The following SPECC1 variants were observed in gnomAD, a reference collection of about 807,000 sequenced individuals.
The protein encoded by SPECC1 is sperm antigen with calponin homology and coiled-coil domains 1.
A neutral mutation model predicts 104.1 loss-of-function variants in SPECC1; 62 were observed. The ratio of observed to expected loss-of-function variants is 0.60; its 90% confidence interval spans 0.49 to 0.74. The LOEUF is 0.74. Ranked by LOEUF, SPECC1 falls within the 30% of genes least tolerant of loss-of-function variation. SPECC1 has a pLI of 0.00. For missense variants in SPECC1, 1,306 were observed against 1,310.5 expected (o/e 1.00, Z 0.05); for synonymous variants, 513 against 501.6 (o/e 1.02, Z -0.30).
chr17:20,204,400 A>G lies in SPECC1; in HGVS notation c.351A>G (p.Arg117=), dbSNP rs778600124. ...APREFSVTVS[R]ERSVPRGPSN... is the part of the protein sequence containing the mutation. ...GGGAATTTTCAGTAACTGTCTCAAG[A>G]GAGAGGTCTGTGCCACGTGGTCCCT... Residue 117 remains arginine (R), a synonymous_variant, in exon 4 of 15, where the codon AGA becomes AGG. Coordinates refer to ENST00000395527, the MANE Select transcript of SPECC1 (RefSeq NM_001243439.2). 1 of 1,614,130 alleles carries G rather than the reference A, an allele frequency of 6.2e-7. No individual in the cohort carries two copies. Among genetic ancestry groups the G allele is most frequent in the South Asian group, 1.1e-5 (1 of 91,082 alleles).
chr17:20,296,800 AC>A (rs1567615410), intron 12 of SPECC1, among the ~76,000 whole-genome samples, 160 bp from the exon 13 acceptor site: 1 of 151,860 alleles, frequency 6.6e-6, no homozygotes, highest in African/African-American at 2.4e-5. Flanking sequence ...ATGAGAGTTC[AC>A]TCGTGAATTC....
chr17:20,266,603 T>A (rs1244358500), intron 12 of SPECC1, among the ~76,000 whole-genome samples: 1 of 152,126 alleles, frequency 6.6e-6, no homozygotes, highest in African/African-American at 2.4e-5. Context: ...ATATATATAT[T>A]GTAGGTCCTG....
rs78169251 is a variant in SPECC1, at chr17:20,262,570, T to C, written c.2940+2276T>C. Among the ~76,000 whole-genome samples, 1,009 of 152,324 alleles carry C rather than the reference T, an allele frequency of 6.6e-3. 10 individuals carry two copies. The highest frequency in any genetic ancestry group is 0.023 in the African/African-American group (955 of 41,576). Reference sequence around the variant, plus strand: ...TGGGGAGGCTGAACACCTTTTCATATGCAAATAGATACCCTCTTTAAAATT... The same window carrying C: ...TGGGGAGGCTGAACACCTTTTCATACGCAAATAGATACCCTCTTTAAAATT... On this transcript the variant is annotated intron_variant, in intron 12 of 14. Transcript: ENST00000395527.
rs188725397 is a variant in SPECC1, at chr17:20,205,321, A to G, written c.1272A>G (p.Thr424=). The G allele has an allele frequency of 1.9e-5, 31 of 1,614,264 alleles. No homozygotes were observed. Among genetic ancestry groups the G allele is most frequent in the East Asian group, 1.1e-4 (5 of 44,890 alleles). ...KLVDEKTILE[T]SFHQHRERAE... ...TGGATGAAAAGACGATTTTAGAGAC[A>G]TCCTTTCATCAGCATCGAGAGAGGG... The change falls in exon 4 of 15, where the codon ACA becomes ACG. Residue 424 remains threonine (T), a synonymous_variant. Transcript: ENST00000395527.
chr17:20,096,741 C>G lies in SPECC1; in HGVS notation c.90C>G (p.Ser30=). 6.2e-7 allele frequency: 1 copy of G among 1,614,230 alleles called. No homozygotes were observed. Among genetic ancestry groups the G allele is most frequent in the African/African-American group, 1.3e-5 (1 of 75,056 alleles). Residue 30 remains serine, a synonymous_variant, in exon 2 of 15, where the codon TCC becomes TCG. Transcript: ENST00000395527. The stretch of plus-strand genomic sequence containing the variant: ...TGCGGCCTCTGCCTGCAGCCTCTTC[C>G]GGCATGAAGAGTTCTAAGTCTTCAA... The part of the protein sequence containing the change: ...DRVRPLPAAS[S]GMKSSKSSTS...
chr17:20,302,547 G>A (rs1362951128), intron 13 of SPECC1, among the ~76,000 whole-genome samples: 1 of 151,716 alleles, frequency 6.6e-6, no homozygotes, highest in African/African-American at 2.4e-5. Flanking sequence ...ATGAATAAAA[G>A]TTACTGTTGT....
Position 20,204,638 on chromosome 17 carries a change from A to T in SPECC1, c.589A>T (p.Lys197Ter), listed in dbSNP as rs1451744399. ...LRSELKKYKE[K>*]RTLNAEGTDA... Reference sequence around the variant, plus strand: ...AAGTGAACTAAAGAAATACAAAGAGAAAAGGACTCTGAACGCTGAGGGGAC... The same window carrying T: ...AAGTGAACTAAAGAAATACAAAGAGTAAAGGACTCTGAACGCTGAGGGGAC... The change falls in exon 4 of 15, where the codon AAA (lysine) becomes TAA (stop). Residue 197 changes from lysine to a stop codon, truncating the protein, a stop_gained. Transcript: ENST00000395527. LOFTEE classifies it high-confidence loss of function. The T allele has an allele frequency of 1.2e-6, 2 of 1,614,140 alleles. No homozygotes were observed. Among genetic ancestry groups the T allele is most frequent in the Admixed American group, 1.7e-5 (1 of 60,002 alleles).
rs75403469 is a variant in SPECC1, at chr17:20,120,101, A to T, written c.283+9539A>T. ...TAATAAGCTTGGGTTTTAAAATCTCAGTACTGCCGGGTGGGGTGGCTTATG... is the reference window on the plus strand; with the variant it reads ...TAATAAGCTTGGGTTTTAAAATCTCTGTACTGCCGGGTGGGGTGGCTTATG... On this transcript the variant is annotated intron_variant, in intron 3 of 14. Coordinates refer to ENST00000395527, the MANE Select transcript of SPECC1 (RefSeq NM_001243439.2). 3.2e-3 allele frequency among the ~76,000 whole-genome samples: 495 copies of T among 152,318 alleles called. 19 individuals carry two copies. The East Asian group carries it at 0.083, about 26-fold the overall frequency.
chr17:20,041,807 A>G (rs935871508), intron 1 of SPECC1, among the ~76,000 whole-genome samples: 2 of 150,184 alleles, frequency 1.3e-5, no homozygotes, highest in African/African-American at 4.9e-5. Context: ...TTGTATTTTT[A>G]GTAGAGACGG....
At position 20,316,136 on chromosome 17, in the gene SPECC1, ACTT is replaced by A. The variant is rs960817442; in HGVS notation, c.*2074_*2076del. 12 of 231,570 alleles carry A rather than the reference ACTT, an allele frequency of 5.2e-5. No homozygotes were observed. In the East Asian group the frequency reaches 7.3e-4, roughly 14 times the overall value. The allele number at this position is 231,570 out of a possible 1,614,324, so 14.3% of individuals were successfully genotyped here. On this transcript the variant is annotated 3_prime_UTR_variant, in exon 15 of 15. Coordinates refer to ENST00000395527, the MANE Select transcript of SPECC1 (RefSeq NM_001243439.2). ...GAACCAATTCAACCTGAAAGTTACT[ACTT>A]CTGCTGATTCAGGCACTTGTTTGAA...
intron 3 of SPECC1, among the ~76,000 whole-genome samples, chr17:20,203,191 AC>A (rs1175538240): frequency 6.6e-6 from 1 of 150,680 alleles, no homozygotes; most frequent in Non-Finnish European, 1.5e-5. Context: ...CACTTCTGGG[AC>A]CCTTCATTAC....
intron 3 of SPECC1, among the ~76,000 whole-genome samples, chr17:20,196,656 T>A (rs553781367): frequency 6.6e-6 from 1 of 151,878 alleles, no homozygotes; most frequent in Non-Finnish European, 1.5e-5. Flanking sequence ...GAGAAGAATT[T>A]ACCATACCAA....
At chr17:20,138,171 C>T (rs1438122936) in intron 3 of SPECC1, among the ~76,000 whole-genome samples, 3 of 152,028 alleles carry the variant, frequency 2.0e-5, no homozygotes, top group Non-Finnish European at 2.9e-5. Flanking sequence ...ACTATGTTGC[C>T]CAGGGTGGTC....
At chr17:20,015,602 T>TTTTTTTTTTTG (rs2044090187) in intron 1 of SPECC1, among the ~76,000 whole-genome samples, 1 of 147,868 alleles carries the variant, frequency 6.8e-6, no homozygotes, top group African/African-American at 2.5e-5. Context: ...TTTTTTTTTT[T>TTTTTTTTTTTG]GAGGTGGAGT....
chr17:20,296,828 T>C (rs568442087), intron 12 of SPECC1, 133 bp from the exon 13 acceptor site: 18 of 740,972 alleles, frequency 2.4e-5, no homozygotes, highest in Non-Finnish European at 3.4e-5. Context: ...CTGTCTGTTA[T>C]TGGTGTATAG....
intron 3 of SPECC1, among the ~76,000 whole-genome samples, chr17:20,186,162 G>A (rs748986161): frequency 1.3e-5 from 2 of 152,024 alleles, no homozygotes; most frequent in African/African-American, 2.4e-5. Flanking sequence ...TTTATTTCAC[G>A]TTGCATTTTA....
chr17:20,096,885 C>A, intron 2 of SPECC1, 87 bp downstream of exon 2: 1 of 1,493,194 alleles, frequency 6.7e-7, no homozygotes. Flanking sequence ...AAACCAGTGG[C>A]CTCTCGGGGC....
chr17:20,166,121 G>T lies in SPECC1; in HGVS notation c.284-38212G>T, dbSNP rs570605150. 2.0e-5 allele frequency among the ~76,000 whole-genome samples: 3 copies of T among 152,268 alleles called. No homozygotes were observed. In the South Asian group the frequency reaches 6.2e-4, roughly 32 times the overall value. The stretch of plus-strand genomic sequence containing the variant: ...TTAAAAACACAATACACCACAGAGT[G>T]TCTTAAATGAGATAGGACCTTTTAT... On this transcript the variant is annotated intron_variant, in intron 3 of 14. Transcript: ENST00000395527.
intron 1 of SPECC1, among the ~76,000 whole-genome samples, chr17:20,068,598 C>T (rs140574541): frequency 1.2e-3 from 178 of 152,298 alleles, no homozygotes; most frequent in African/African-American, 4.0e-3. Flanking sequence ...TTCACATTTA[C>T]GTAGGCAATG....
Sources: allele counts gnomAD v4.1 joint callset (sites outside exome capture counted in the v4.1 genomes callset), GRCh38; gene constraint gnomAD v4.1.1; transcripts MANE v1.5; gene names NCBI Gene and HGNC (gene_info 2026-07-23, HGNC 2026-07-21).